ARMC2: variants seen among roughly 807,000 people sequenced by gnomAD.
The protein encoded by ARMC2 is armadillo repeat-containing protein 2.
A neutral mutation model predicts 90.3 loss-of-function variants in ARMC2; 67 were observed. The observed-to-expected ratio is 0.74, with a 90% CI of 0.61 to 0.91. ARMC2 has a LOEUF of 0.91. Ranked by LOEUF, ARMC2 falls within the 40% of genes least tolerant of loss-of-function variation. The pLI is 0.00. For synonymous variants in ARMC2, 393 were observed against 393.0 expected (o/e 1.00, Z 0.00); for missense variants, 920 against 1,030.9 (o/e 0.89, Z 1.47).
chr6:108,858,345 A>G, intron 3 of ARMC2, 74 bp downstream of exon 3: 1 of 1,106,976 alleles, frequency 9.0e-7, no homozygotes, highest in Admixed American at 2.0e-5. Context: ...ACTTGGAATC[A>G]GTACTTATAT....
At chr6:108,876,115 A>G in intron 4 of ARMC2, 28 bp from the exon 5 acceptor site, 1 of 1,543,742 alleles carries the variant, frequency 6.5e-7, no homozygotes, top group Non-Finnish European at 8.8e-7. Context: ...GAATACTTCA[A>G]CAAAATATTT....
chr6:108,987,638 T>TA, the ARMC2 span: 2 of 1,473,234 alleles, frequency 1.4e-6, no homozygotes, highest in Admixed American at 1.7e-5. Flanking sequence ...AACCTGAATA[T>TA]AAAATACAAC....
the ARMC2 span, among the ~76,000 whole-genome samples, chr6:109,013,134 T>C: frequency 6.7e-6 from 1 of 148,248 alleles, no homozygotes. Flanking sequence ...AATGAGGGAG[T>C]GTTAAGCTTC....
the ARMC2 span, among the ~76,000 whole-genome samples, chr6:109,029,772 T>C: frequency 1.3e-5 from 2 of 152,162 alleles, no homozygotes; most frequent in African/African-American, 4.8e-5. Flanking sequence ...CCTCAAATGA[T>C]CTTCCCACTT....
At chr6:108,864,159 C>T (rs1433391714) in intron 3 of ARMC2, among the ~76,000 whole-genome samples, 3 of 152,032 alleles carry the variant, frequency 2.0e-5, no homozygotes, top group Admixed American at 1.3e-4. Flanking sequence ...CAGAGGACCC[C>T]AGTGTACCTG....
intron 17 of ARMC2, among the ~76,000 whole-genome samples, chr6:108,968,179 A>G (rs1199696433): frequency 2.0e-5 from 3 of 152,176 alleles, no homozygotes; most frequent in South Asian, 2.1e-4. Flanking sequence ...CAATAGTGCT[A>G]TATCCTTTTA....
At chr6:109,033,912 C>T in the ARMC2 span, among the ~76,000 whole-genome samples, 4 of 152,138 alleles carry the variant, frequency 2.6e-5, no homozygotes, top group South Asian at 4.1e-4. Flanking sequence ...CGTAAAGAAG[C>T]GGAGGCAAGG....
the ARMC2 span, among the ~76,000 whole-genome samples, chr6:108,985,561 T>A: frequency 2.2e-4 from 34 of 152,342 alleles, no homozygotes; most frequent in African/African-American, 7.0e-4. Flanking sequence ...TTTTATTACT[T>A]TAGGTATAAA....
the ARMC2 span, among the ~76,000 whole-genome samples, chr6:109,018,949 TAAGAA>T: frequency 4.6e-5 from 7 of 152,246 alleles, no homozygotes; most frequent in South Asian, 6.2e-4. Flanking sequence ...ATTATGCATA[TAAGAA>T]AATATAGAAA....
chr6:109,007,584 G>T, the ARMC2 span, among the ~76,000 whole-genome samples: 5 of 152,144 alleles, frequency 3.3e-5, no homozygotes, highest in African/African-American at 1.2e-4. Context: ...TATAAAAAGT[G>T]AAAGTTCCCA....
intron 13 of ARMC2, among the ~76,000 whole-genome samples, chr6:108,958,777 G>A (rs942642245): frequency 6.6e-6 from 1 of 152,230 alleles, no homozygotes; most frequent in Non-Finnish European, 1.5e-5. Flanking sequence ...TATGTGCCAT[G>A]CACTCATTTA....
the ARMC2 span, among the ~76,000 whole-genome samples, chr6:109,032,332 G>A: frequency 2.6e-4 from 40 of 152,146 alleles, no homozygotes; most frequent in African/African-American, 9.2e-4. Context: ...TACATGAAAA[G>A]GTAAGGCTGG....
chr6:108,931,363 G>C (rs1384207529), intron 11 of ARMC2, among the ~76,000 whole-genome samples: 1 of 151,890 alleles, frequency 6.6e-6, no homozygotes, highest in African/African-American at 2.4e-5. Flanking sequence ...TTGCTATTGT[G>C]AGTAGTGCTG....
intron 12 of ARMC2, among the ~76,000 whole-genome samples, chr6:108,949,010 C>T (rs892549363): frequency 2.6e-5 from 4 of 151,970 alleles, no homozygotes; most frequent in Non-Finnish European, 4.4e-5. Flanking sequence ...GGAGGTGAAA[C>T]GGCAAGGCCT....
At chr6:109,012,567 GGAATGGTGGTT>G in the ARMC2 span, among the ~76,000 whole-genome samples, 1 of 152,110 alleles carries the variant, frequency 6.6e-6, no homozygotes, top group South Asian at 2.1e-4. Context: ...CTCTGCACTT[GGAATGGTGGTT>G]CAAGATAGGC....
intron 17 of ARMC2, among the ~76,000 whole-genome samples, chr6:108,965,380 T>TG (rs1176123771): frequency 2.0e-5 from 3 of 151,478 alleles, no homozygotes; most frequent in Admixed American, 2.0e-4. Flanking sequence ...GCTTTTTTTT[T>TG]TTTTTTTTGC....
chr6:108,981,713 G>A, the ARMC2 span, among the ~76,000 whole-genome samples: 1 of 151,440 alleles, frequency 6.6e-6, no homozygotes, highest in Non-Finnish European at 1.5e-5. Flanking sequence ...TGTTACCCAA[G>A]CTGGAGTGCA....
intron 3 of ARMC2, among the ~76,000 whole-genome samples, chr6:108,867,537 C>T (rs956186402): frequency 1.3e-5 from 2 of 151,994 alleles, no homozygotes; most frequent in Admixed American, 1.3e-4. Flanking sequence ...GAGGCCAAGG[C>T]AGGTGGCTCA....
chr6:108,972,800 G>A (rs1377871418), intron 17 of ARMC2, among the ~76,000 whole-genome samples: 1 of 151,548 alleles, frequency 6.6e-6, no homozygotes, highest in Non-Finnish European at 1.5e-5. Flanking sequence ...GAGTAACTGG[G>A]ACCACAGGCA....
Sources: gnomAD v4.1 joint callset for allele counts (sites outside exome capture counted in the v4.1 genomes callset) on GRCh38, gnomAD v4.1.1 for gene constraint, MANE v1.5 for transcripts, NCBI Gene and HGNC (gene_info 2026-07-23, HGNC 2026-07-21) for gene names.